The following UBE2D3 variants were observed in gnomAD, a reference collection of about 807,000 sequenced individuals.
UBE2D3 encodes ubiquitin-conjugating enzyme E2 D3.
In UBE2D3, 2 loss-of-function variants were observed where a neutral mutation model predicts 22.8. The observed-to-expected ratio is 0.09, with a 90% CI of 0.04 to 0.28. The LOEUF is 0.28. UBE2D3 is among the 10% of genes least tolerant of loss of function. UBE2D3 has a pLI of 1.00. For missense variants in UBE2D3, 27 were observed against 182.5 expected, an observed-to-expected ratio of 0.15 and a Z score of 4.91; for synonymous variants, 56 against 60.4, an observed-to-expected ratio of 0.93 and a Z score of 0.34.
chr4:102,822,778 A>ACAAAAAAATTAGCCTCTACTAAAAAAC (rs1201348635), intron 2 of UBE2D3, among the ~76,000 whole-genome samples: 2 of 152,228 alleles, frequency 1.3e-5, no homozygotes, highest in African/African-American at 2.4e-5. Context: ...TACTAAAAAA[A>ACAAAAAAATTAGCCTCTACTAAAAAAC]CAAAAAAATT....
At chr4:102,854,207 C>G (rs1369428752) in intron 1 of UBE2D3, among the ~76,000 whole-genome samples, 1 of 152,044 alleles carries the variant, frequency 6.6e-6, no homozygotes, top group African/African-American at 2.4e-5. Flanking sequence ...TGTTGTGTAT[C>G]TATTAATTTC....
chr4:102,851,806 A>T (rs1229133168), intron 1 of UBE2D3, among the ~76,000 whole-genome samples: 2 of 151,786 alleles, frequency 1.3e-5, no homozygotes, highest in Non-Finnish European at 2.9e-5. Flanking sequence ...AGCTGGGACT[A>T]CAGGTGCACG....
chr4:102,857,624 G>A (rs978952306), intron 1 of UBE2D3, among the ~76,000 whole-genome samples: 3 of 152,058 alleles, frequency 2.0e-5, no homozygotes, highest in Non-Finnish European at 2.9e-5. Flanking sequence ...ACTGCATTTA[G>A]TTTTATTTAT....
chr4:102,814,148 T>C (rs928174375), intron 2 of UBE2D3, among the ~76,000 whole-genome samples: 1 of 152,202 alleles, frequency 6.6e-6, no homozygotes, highest in African/African-American at 2.4e-5. Flanking sequence ...ATTACAGAAA[T>C]TCATATCGCA....
intron 1 of UBE2D3, among the ~76,000 whole-genome samples, chr4:102,868,069 A>ATTTTTTTTTTTTT (rs1347875621): frequency 5.4e-5 from 5 of 92,282 alleles, no homozygotes; most frequent in African/African-American, 2.2e-4. Context: ...AAGGCTTTAG[A>ATTTTTTTTTTTTT]TTCTTTTTTT....
chr4:102,819,256 G>C (rs768059512), intron 2 of UBE2D3, among the ~76,000 whole-genome samples: 31 of 151,738 alleles, frequency 2.0e-4, no homozygotes, highest in African/African-American at 3.2e-4. Flanking sequence ...CTTGAACCCA[G>C]GAGACGGTGG....
At chr4:102,825,148 G>T in intron 2 of UBE2D3, 1 of 643,912 alleles carries the variant, frequency 1.6e-6, no homozygotes, top group Non-Finnish European at 1.9e-6. Context: ...TGTAGTATCA[G>T]GTCTATTTTA....
chr4:102,819,709 T>C (rs1729291345), intron 2 of UBE2D3: 1 of 474,264 alleles, frequency 2.1e-6, no homozygotes, highest in African/African-American at 2.1e-5. Flanking sequence ...ATCACCACGA[T>C]GTTCCACAAA....
intron 2 of UBE2D3, among the ~76,000 whole-genome samples, chr4:102,821,976 G>C (rs1283052270): frequency 6.6e-6 from 1 of 152,156 alleles, no homozygotes; most frequent in Non-Finnish European, 1.5e-5. Flanking sequence ...TTTTATCTCA[G>C]TGTTACGAAC....
intron 1 of UBE2D3, among the ~76,000 whole-genome samples, chr4:102,847,760 C>T (rs1732112973): frequency 6.6e-6 from 1 of 152,132 alleles, no homozygotes; most frequent in Non-Finnish European, 1.5e-5. Context: ...CCTCCTGCCT[C>T]AGCCTCCTGA....
intron 1 of UBE2D3, among the ~76,000 whole-genome samples, chr4:102,856,323 C>T (rs1174833092): frequency 3.9e-5 from 6 of 152,112 alleles, no homozygotes; most frequent in African/African-American, 7.2e-5. Flanking sequence ...GCTGAGATTG[C>T]GCCACTGCAC....
At chr4:102,851,972 A>G (rs1732381543) in intron 1 of UBE2D3, among the ~76,000 whole-genome samples, 1 of 151,918 alleles carries the variant, frequency 6.6e-6, no homozygotes, top group Non-Finnish European at 1.5e-5. Context: ...GCCCGGCAGA[A>G]CCCCCATATG....
chr4:102,866,573 T>G (rs1733154652), intron 1 of UBE2D3, among the ~76,000 whole-genome samples: 1 of 152,236 alleles, frequency 6.6e-6, no homozygotes, highest in Admixed American at 6.5e-5. Context: ...AGGTATGTAT[T>G]TTTTAATTCT....
chr4:102,804,493 A>G (rs575180433), intron 4 of UBE2D3, among the ~76,000 whole-genome samples: 335 of 152,160 alleles, frequency 2.2e-3, no homozygotes, highest in Middle Eastern at 6.8e-3. Context: ...GGAACTAGAA[A>G]AACACTCAGG....
upstream of UBE2D3, chr4:102,827,647 T>A (rs946282783): frequency 2.0e-6 from 2 of 986,178 alleles, no homozygotes; most frequent in Non-Finnish European, 2.4e-6. Context: ...ACAAGACCGA[T>A]GTGAGGCCGA....
chr4:102,834,768 A>AT (rs1731300539), intron 1 of UBE2D3, among the ~76,000 whole-genome samples: 1 of 149,514 alleles, frequency 6.7e-6, no homozygotes, highest in African/African-American at 2.5e-5. Context: ...AAAAGATTCA[A>AT]CTTTTTTTTT....
At chr4:102,825,853 C>T (rs1730380915) in intron 2 of UBE2D3, 1 of 449,360 alleles carries the variant, frequency 2.2e-6, no homozygotes, top group Non-Finnish European at 4.5e-6. Context: ...GGGTGAAAAG[C>T]TGCAACTACA....
chr4:102,855,433 A>G (rs1732573795), intron 1 of UBE2D3, among the ~76,000 whole-genome samples: 1 of 152,186 alleles, frequency 6.6e-6, no homozygotes, highest in African/African-American at 2.4e-5. Flanking sequence ...TTCATTCAAC[A>G]CAATTTGTAA....
intron 1 of UBE2D3, among the ~76,000 whole-genome samples, chr4:102,854,112 C>G (rs1732516357): frequency 1.3e-5 from 2 of 152,246 alleles, no homozygotes; most frequent in South Asian, 4.1e-4. Context: ...ATTTGCCCAT[C>G]CATTCTTCTG....
Sources: gnomAD v4.1 joint callset for allele counts (sites outside exome capture counted in the v4.1 genomes callset) on GRCh38, gnomAD v4.1.1 for gene constraint, MANE v1.5 for transcripts, NCBI Gene and HGNC (gene_info 2026-07-23, HGNC 2026-07-21) for gene names.